TMC5: variants seen among roughly 807,000 people sequenced by gnomAD.
TMC5 encodes the protein transmembrane channel-like protein 5.
Under a neutral mutation model 110.5 loss-of-function variants are expected in TMC5, and 86 were observed. The observed-to-expected ratio is 0.78, with a 90% confidence interval of 0.65 to 0.93. The LOEUF is 0.93. TMC5 is among the 40% of genes least tolerant of loss of function. The probability of loss-of-function intolerance (pLI) is 0.00; values close to 1 mark genes in which losing one functional copy is unlikely to be tolerated. For missense variants in TMC5, 1,144 were observed against 1,222.8 expected (o/e 0.94, Z 0.96); for synonymous variants, 455 against 439.5 (o/e 1.04, Z -0.44).
At chr16:19,480,210 T>C (rs1968584125) in intron 14 of TMC5, among the ~76,000 whole-genome samples, 1 of 151,908 alleles carries the variant, frequency 6.6e-6, no homozygotes, top group Admixed American at 6.6e-5. Context: ...ATTTATCTCA[T>C]TGTTTTAATT....
At chr16:19,426,186 A>G (rs139741376) in intron 1 of TMC5, among the ~76,000 whole-genome samples, 3 of 152,358 alleles carry the variant, frequency 2.0e-5, no homozygotes, top group Non-Finnish European at 2.9e-5. Flanking sequence ...TAGGACTATT[A>G]TAAGAATCCG....
At chr16:19,453,770 A>G (rs1365979829) in intron 5 of TMC5, among the ~76,000 whole-genome samples, 3 of 152,134 alleles carry the variant, frequency 2.0e-5, no homozygotes, top group Admixed American at 6.5e-5. Context: ...CTTGCCTAAA[A>G]AAGGAAAGAA....
intron 4 of TMC5, 22 bp downstream of exon 4, chr16:19,444,272 A>C: frequency 6.2e-7 from 1 of 1,607,340 alleles, no homozygotes; most frequent in Non-Finnish European, 8.5e-7. Flanking sequence ...TTAAGCCAGG[A>C]TCATATCCTG....
rs373128973 is a variant in TMC5, at chr16:19,477,400, G to T, written c.2091-40G>T. On this transcript the variant is annotated intron_variant, in intron 12 of 21. Transcript: ENST00000542583. ...CTATTTGCAGACAGAATGAAAGACT[G>T]CCATTGAAGGTAATCATAAATGTTG... The T allele has an allele frequency of 2.1e-6, 3 of 1,425,690 alleles. No individual in the cohort carries two copies. The African/African-American group carries it at 4.2e-5, about 20-fold the overall frequency. The allele number at this position is 1,425,690 out of a possible 1,614,324, so 88.3% of individuals were successfully genotyped here.
chr16:19,486,723 C>A (rs1217199152), intron 15 of TMC5, among the ~76,000 whole-genome samples: 1 of 152,092 alleles, frequency 6.6e-6, no homozygotes, highest in Non-Finnish European at 1.5e-5. Context: ...GGATTAGGGC[C>A]TCCTACAGTG....
At chr16:19,442,325 ATT>A (rs143016414) in intron 3 of TMC5, among the ~76,000 whole-genome samples, 11,358 of 123,274 alleles carry the variant, frequency 0.092, 424 homozygotes, top group African/African-American at 0.18. Flanking sequence ...ACAAAATGTA[ATT>A]TTTTTTTTTT....
chr16:19,484,701 T>C (rs757296265), intron 15 of TMC5, among the ~76,000 whole-genome samples: 1 of 149,758 alleles, frequency 6.7e-6, no homozygotes, highest in Non-Finnish European at 1.5e-5. Context: ...GCGGAGGTTG[T>C]AGTGAGCCGA....
chr16:19,487,530 T>C (rs1294479385), intron 17 of TMC5, among the ~76,000 whole-genome samples: 2 of 152,032 alleles, frequency 1.3e-5, no homozygotes, highest in African/African-American at 2.4e-5. Context: ...GGTGAAACCC[T>C]GTCTCTACTA....
rs951373845 is a variant in TMC5 at position 19,428,394 on chromosome 16, G to A, written c.-307-2019G>A. Among the ~76,000 whole-genome samples the A allele has an allele frequency of 4.1e-4, 60 of 147,824 alleles. 2 individuals carry two copies. The highest frequency in any genetic ancestry group is 4.0e-3 in the Admixed American group (58 of 14,568). On this transcript the variant is annotated intron_variant, in intron 1 of 21. Transcript: ENST00000542583. ...CATGATCATAGCTCATTGCAGCCTC[G>A]AACTCCCAGCCTCAAACGATTGCGC...
At chr16:19,425,119 G>C (rs1324126349) in intron 1 of TMC5, among the ~76,000 whole-genome samples, 2 of 152,170 alleles carry the variant, frequency 1.3e-5, no homozygotes, top group Non-Finnish European at 2.9e-5. Context: ...TTAGGAGCCT[G>C]TGCCGGAAAC....
chr16:19,417,454 G>A (rs1338677385), upstream of TMC5, among the ~76,000 whole-genome samples: 4 of 150,484 alleles, frequency 2.7e-5, no homozygotes, highest in Non-Finnish European at 5.9e-5. Flanking sequence ...GCCAGTGCCC[G>A]GGGGTGTCTA....
intron 5 of TMC5, among the ~76,000 whole-genome samples, chr16:19,453,010 A>ATG (rs993506227): frequency 3.4e-5 from 3 of 88,154 alleles, no homozygotes; most frequent in Admixed American, 1.3e-4. Context: ...ATATATATAT[A>ATG]TTATATATAT....
intron 1 of TMC5, among the ~76,000 whole-genome samples, chr16:19,428,982 C>T (rs948380055): frequency 2.0e-5 from 3 of 152,124 alleles, no homozygotes; most frequent in Non-Finnish European, 2.9e-5. Context: ...CGAGCCACCA[C>T]GCCTGGCTCA....
chr16:19,440,304 A>G lies in TMC5; in HGVS notation c.266A>G (p.Asn89Ser), dbSNP rs202096050. The change falls in exon 3 of 22, where the codon AAT becomes AGT. Residue 89 changes from asparagine (N) to serine (S), a missense_variant. Transcript: ENST00000542583. ...CCAGACTATTCTGGCACCAGAAGCAATGCATACTCTGCAGCCTCTAGAACA... is the reference window on the plus strand; with the variant it reads ...CCAGACTATTCTGGCACCAGAAGCAGTGCATACTCTGCAGCCTCTAGAACA... ...SNPDYSGTRSNAYSAASRTSP... is the reference protein window; with the variant it reads ...SNPDYSGTRSSAYSAASRTSP... 56 of 1,614,146 alleles carry G rather than the reference A, an allele frequency of 3.5e-5. No homozygotes were observed. In the Admixed American group the frequency reaches 9.2e-4, roughly 26 times the overall value.
chr16:19,492,802 G>A (rs1466313593), intron 19 of TMC5, among the ~76,000 whole-genome samples: 2 of 151,114 alleles, frequency 1.3e-5, no homozygotes, highest in African/African-American at 4.9e-5. Flanking sequence ...CTGGGCTCCT[G>A]CCTCAGCCTC....
chr16:19,425,857 T>C (rs1050692176), intron 1 of TMC5, among the ~76,000 whole-genome samples: 3 of 152,146 alleles, frequency 2.0e-5, no homozygotes, highest in Non-Finnish European at 4.4e-5. Flanking sequence ...CAGCTCATTT[T>C]TGTATTTTTA....
intron 15 of TMC5, among the ~76,000 whole-genome samples, chr16:19,482,368 T>C (rs1240860666): frequency 6.6e-6 from 1 of 152,146 alleles, no homozygotes; most frequent in Non-Finnish European, 1.5e-5. Flanking sequence ...CCTCTGCTAT[T>C]TATAAGCCAC....
chr16:19,475,295 G>T (rs1225915077), intron 12 of TMC5, among the ~76,000 whole-genome samples: 1 of 152,108 alleles, frequency 6.6e-6, no homozygotes, highest in Admixed American at 6.6e-5. Context: ...GGTGACGCAT[G>T]TCTGTAATCC....
chr16:19,457,906 T>A (rs1475157872), intron 5 of TMC5, among the ~76,000 whole-genome samples: 3 of 151,672 alleles, frequency 2.0e-5, no homozygotes, highest in Non-Finnish European at 4.4e-5. Context: ...GTATTTTTAG[T>A]AGAGATGGGG....
Sources: gnomAD v4.1 joint callset for allele counts (sites outside exome capture counted in the v4.1 genomes callset) on GRCh38, gnomAD v4.1.1 for gene constraint, MANE v1.5 for transcripts, NCBI Gene and HGNC (gene_info 2026-07-23, HGNC 2026-07-21) for gene names.